SLC2A13: variants seen among roughly 807,000 people sequenced by gnomAD.
The protein encoded by SLC2A13 is proton myo-inositol cotransporter.
In SLC2A13, 32 loss-of-function variants were observed where a neutral mutation model predicts 64.4. The observed-to-expected ratio is 0.50, with a 90% CI of 0.37 to 0.67. The LOEUF (loss-of-function observed/expected upper bound fraction) is 0.67, where lower values mean the gene tolerates loss of function less well. SLC2A13 is among the 30% of genes least tolerant of loss of function. The pLI is 0.00. For missense variants in SLC2A13, 743 were observed against 829.2 expected (o/e 0.90, Z 1.28); for synonymous variants, 338 against 327.1 (o/e 1.03, Z -0.36).
chr12:39,828,036 T>C (rs1424344458), intron 7 of SLC2A13, among the ~76,000 whole-genome samples: 1 of 152,124 alleles, frequency 6.6e-6, no homozygotes, highest in East Asian at 1.9e-4. Context: ...GGTAATTGTA[T>C]AAAATCTATC....
intron 2 of SLC2A13, among the ~76,000 whole-genome samples, chr12:40,039,771 A>G (rs1404349344): frequency 1.3e-5 from 2 of 152,216 alleles, no homozygotes; most frequent in African/African-American, 4.8e-5. Context: ...ATCTTCCACC[A>G]AAGTGGGACA....
intron 1 of SLC2A13, among the ~76,000 whole-genome samples, chr12:40,059,867 T>G (rs1948390022): frequency 6.6e-6 from 1 of 152,138 alleles, no homozygotes; most frequent in Non-Finnish European, 1.5e-5. Context: ...GGATGCTCTC[T>G]GGACTGGGGG....
chr12:39,829,511 ATTCTCCT>A (rs11279266), intron 7 of SLC2A13: 104,073 of 149,762 alleles, frequency 0.69, 36,551 homozygotes, highest in African/African-American at 0.81. Flanking sequence ...GGTTCAAGTG[ATTCTCCT>A]TTCTCCTGCC....
chr12:40,027,141 C>T (rs988716484), intron 3 of SLC2A13, among the ~76,000 whole-genome samples: 1 of 151,474 alleles, frequency 6.6e-6, no homozygotes, highest in Non-Finnish European at 1.5e-5. Context: ...TAGACAGGAG[C>T]ATAAAATAAG....
intron 4 of SLC2A13, among the ~76,000 whole-genome samples, chr12:39,881,261 T>C (rs538832830): frequency 1.3e-5 from 2 of 152,310 alleles, no homozygotes; most frequent in South Asian, 4.1e-4. Context: ...TCTTCATATG[T>C]GTCTTTCAGT....
intron 7 of SLC2A13, chr12:39,788,473 G>A (rs1941268205): frequency 6.6e-6 from 1 of 152,146 alleles, no homozygotes; most frequent in African/African-American, 2.4e-5. Flanking sequence ...TCACATCCCA[G>A]GTGGGACTGA....
At chr12:40,095,363 G>T (rs1938904876) in intron 1 of SLC2A13, among the ~76,000 whole-genome samples, 1 of 152,180 alleles carries the variant, frequency 6.6e-6, no homozygotes, top group Non-Finnish European at 1.5e-5. Flanking sequence ...AAAAGGCCCT[G>T]TGCTATATGT....
chr12:39,896,541 T>C (rs116870743), intron 4 of SLC2A13, among the ~76,000 whole-genome samples: 3,060 of 136,628 alleles, frequency 0.022, 126 homozygotes, highest in Admixed American at 0.061. Flanking sequence ...TGTATGTATG[T>C]ATGTGTGTAT....
chr12:40,085,600 A>G (rs1240179413), intron 1 of SLC2A13, among the ~76,000 whole-genome samples: 2 of 152,226 alleles, frequency 1.3e-5, no homozygotes, highest in African/African-American at 4.8e-5. Flanking sequence ...ATTAAAAAAT[A>G]TACTTTTGAG....
intron 6 of SLC2A13, among the ~76,000 whole-genome samples, chr12:39,864,125 T>C (rs1252863478): frequency 6.6e-6 from 1 of 152,206 alleles, no homozygotes; most frequent in Admixed American, 6.5e-5. Flanking sequence ...TTCATTTATG[T>C]GTTCTCAGTC....
intron 3 of SLC2A13, among the ~76,000 whole-genome samples, chr12:39,980,370 C>T (rs1344488055): frequency 6.6e-6 from 1 of 152,016 alleles, no homozygotes; most frequent in Non-Finnish European, 1.5e-5. Flanking sequence ...TTAAAAGACA[C>T]AGACTGGCAA....
intron 7 of SLC2A13, among the ~76,000 whole-genome samples, chr12:39,788,365 G>A (rs1366800137): frequency 1.3e-5 from 2 of 152,112 alleles, no homozygotes. Flanking sequence ...TGAACACAGT[G>A]CAATAGTGCA....
intron 1 of SLC2A13, among the ~76,000 whole-genome samples, chr12:40,059,103 A>G (rs1209902452): frequency 2.0e-5 from 3 of 152,194 alleles, no homozygotes. Flanking sequence ...ACACAGCCAG[A>G]ATAGAGGTAG....
chr12:39,912,270 A>C (rs560943056), intron 4 of SLC2A13, among the ~76,000 whole-genome samples: 1 of 152,192 alleles, frequency 6.6e-6, no homozygotes, highest in South Asian at 2.1e-4. Flanking sequence ...CTCAGCATTG[A>C]CTGCCATTGG....
At chr12:39,882,356 C>A (rs1165832511) in intron 4 of SLC2A13, among the ~76,000 whole-genome samples, 1 of 152,150 alleles carries the variant, frequency 6.6e-6, no homozygotes, top group Admixed American at 6.6e-5. Flanking sequence ...AATTACTTCC[C>A]CAAACCATTG....
chr12:39,829,299 A>T (rs1942781226), intron 7 of SLC2A13: 1 of 149,646 alleles, frequency 6.7e-6, no homozygotes, highest in East Asian at 2.0e-4. Context: ...ACCAAATTTT[A>T]TCCTTATTTT....
intron 4 of SLC2A13, among the ~76,000 whole-genome samples, chr12:39,935,236 A>G (rs556722960): frequency 1.6e-4 from 24 of 152,322 alleles, no homozygotes; most frequent in Non-Finnish European, 3.1e-4. Context: ...TCAAGAAGGG[A>G]AAAATAAATA....
intron 1 of SLC2A13, among the ~76,000 whole-genome samples, chr12:40,084,428 A>C (rs527882497): frequency 1.3e-5 from 2 of 152,358 alleles, no homozygotes; most frequent in Admixed American, 6.5e-5. Context: ...AACTTCAGCA[A>C]GATGTCTTAA....
intron 7 of SLC2A13, among the ~76,000 whole-genome samples, chr12:39,797,081 G>A (rs528570067): frequency 1.3e-5 from 2 of 152,094 alleles, no homozygotes; most frequent in African/African-American, 2.4e-5. Flanking sequence ...GTAGGCACCC[G>A]ATAATGGAAA....
Sources: allele counts gnomAD v4.1 joint callset (sites outside exome capture counted in the v4.1 genomes callset), GRCh38; gene constraint gnomAD v4.1.1; transcripts MANE v1.5; gene names NCBI Gene and HGNC (gene_info 2026-07-23, HGNC 2026-07-21).